LIMA1: variants seen among roughly 807,000 people sequenced by gnomAD.
The protein encoded by LIMA1 is LIM domain and actin binding 1, also known as LIM domain and actin-binding protein 1.
In LIMA1, 52 loss-of-function variants were observed where a neutral mutation model predicts 62.6. The observed-to-expected ratio is 0.83, with a 90% CI of 0.67 to 1.05. LIMA1 has a LOEUF of 1.05. Ranked by LOEUF, LIMA1 falls within the 50% of genes least tolerant of loss-of-function variation. The pLI, the probability that LIMA1 is intolerant of heterozygous loss-of-function variation, is 0.00. For synonymous variants in LIMA1, 302 were observed against 317.8 expected, an observed-to-expected ratio of 0.95 and a Z score of 0.53; for missense variants, 780 against 902.2, an observed-to-expected ratio of 0.86 and a Z score of 1.74.
chr12:50,238,713 G>C (rs1283231860), intron 2 of LIMA1, among the ~76,000 whole-genome samples: 3 of 151,838 alleles, frequency 2.0e-5, no homozygotes, highest in African/African-American at 7.3e-5. Flanking sequence ...AGCTGGGTGT[G>C]GTGGTGGGTA....
intron 9 of LIMA1, among the ~76,000 whole-genome samples, chr12:50,183,810 CAA>C (rs34778877): frequency 3.5e-5 from 2 of 56,448 alleles, no homozygotes; most frequent in African/African-American, 7.1e-5. Flanking sequence ...GACTTGGTCT[CAA>C]AAAAAAAAAA....
intron 1 of LIMA1, among the ~76,000 whole-genome samples, chr12:50,253,714 T>A (rs1407798213): frequency 6.6e-6 from 1 of 152,288 alleles, no homozygotes; most frequent in East Asian, 1.9e-4. Flanking sequence ...TAACTGGCTT[T>A]CATTGGCCTG....
intron 2 of LIMA1, among the ~76,000 whole-genome samples, chr12:50,235,029 C>T (rs1941670279): frequency 6.6e-6 from 1 of 152,004 alleles, no homozygotes; most frequent in African/African-American, 2.4e-5. Context: ...ACCTCCAGGA[C>T]TCAAGCAATT....
chr12:50,251,990 TATGAGATGTA>T (rs957046766), intron 1 of LIMA1, among the ~76,000 whole-genome samples: 9 of 152,304 alleles, frequency 5.9e-5, no homozygotes, highest in African/African-American at 2.2e-4. Context: ...AACTACTTCT[TATGAGATGTA>T]GGGAGATGTC....
intron 10 of LIMA1, among the ~76,000 whole-genome samples, chr12:50,180,388 T>C (rs1389982869): frequency 1.3e-5 from 2 of 151,566 alleles, no homozygotes; most frequent in Non-Finnish European, 2.9e-5. Flanking sequence ...GGCATGAGAA[T>C]CGCTTGAACC....
intron 2 of LIMA1, among the ~76,000 whole-genome samples, chr12:50,248,206 A>C (rs1941877348): frequency 6.6e-6 from 1 of 152,250 alleles, no homozygotes; most frequent in African/African-American, 2.4e-5. Flanking sequence ...GTGCAGGTAT[A>C]GAGAGTGCTT....
chr12:50,269,667 C>A (rs768552069), intron 1 of LIMA1, among the ~76,000 whole-genome samples: 69 of 152,226 alleles, frequency 4.5e-4, no homozygotes, highest in Middle Eastern at 3.4e-3. Flanking sequence ...TGCCTGTAAT[C>A]TCAGCACTTT....
intron 4 of LIMA1, among the ~76,000 whole-genome samples, chr12:50,213,453 A>G (rs964452091): frequency 2.0e-5 from 3 of 152,286 alleles, no homozygotes; most frequent in Non-Finnish European, 2.9e-5. Flanking sequence ...GGGCATATCA[A>G]TTAACTTCTC....
chr12:50,214,024 C>CCCCACACA (rs1555206567), intron 4 of LIMA1, among the ~76,000 whole-genome samples: 4 of 104,492 alleles, frequency 3.8e-5, no homozygotes, highest in African/African-American at 1.3e-4. Flanking sequence ...TATTATCTTA[C>CCCCACACA]CACACACACA....
chr12:50,260,037 T>A (rs138896042), intron 1 of LIMA1, among the ~76,000 whole-genome samples: 6 of 152,266 alleles, frequency 3.9e-5, no homozygotes, highest in African/African-American at 1.2e-4. Flanking sequence ...TCTCTCTCCC[T>A]TCTCTGAGCG....
intron 1 of LIMA1, among the ~76,000 whole-genome samples, chr12:50,272,769 C>T (rs1002976748): frequency 2.0e-5 from 3 of 151,668 alleles, no homozygotes; most frequent in Non-Finnish European, 4.4e-5. Context: ...GTTATAGGGC[C>T]GGGCGTGGTG....
intron 2 of LIMA1, among the ~76,000 whole-genome samples, chr12:50,243,794 A>G (rs1941810047): frequency 6.6e-6 from 1 of 152,200 alleles, no homozygotes; most frequent in Admixed American, 6.5e-5. Flanking sequence ...ACAGGAACAA[A>G]CTCAAATATT....
At chr12:50,237,998 A>G (rs2138608270) in intron 2 of LIMA1, among the ~76,000 whole-genome samples, 1 of 152,332 alleles carries the variant, frequency 6.6e-6, no homozygotes, top group South Asian at 2.1e-4. Flanking sequence ...ATATGGGAAA[A>G]GTCTCATGAC....
intron 5 of LIMA1, among the ~76,000 whole-genome samples, chr12:50,204,983 C>A (rs1043415809): frequency 6.6e-6 from 1 of 151,944 alleles, no homozygotes; most frequent in African/African-American, 2.4e-5. Flanking sequence ...GTTAAAAGCA[C>A]GAAGAAGAAA....
chr12:50,239,534 G>A (rs552121528), intron 2 of LIMA1, among the ~76,000 whole-genome samples: 2 of 152,252 alleles, frequency 1.3e-5, no homozygotes, highest in South Asian at 4.1e-4. Flanking sequence ...TCAGCTACTC[G>A]GAGACTGAGG....
intron 2 of LIMA1, among the ~76,000 whole-genome samples, chr12:50,236,754 A>G (rs1202751917): frequency 1.3e-5 from 2 of 151,588 alleles, no homozygotes; most frequent in East Asian, 3.9e-4. Flanking sequence ...ACACACACAC[A>G]CGCACACGCA....
chr12:50,215,636 A>AT (rs930453566), intron 4 of LIMA1, among the ~76,000 whole-genome samples: 54 of 148,282 alleles, frequency 3.6e-4, no homozygotes, highest in East Asian at 1.6e-3. Flanking sequence ...CGCCCGGCTA[A>AT]TTTTTTTTTT....
chr12:50,210,428 A>AAAAAG (rs1555206226), intron 4 of LIMA1, among the ~76,000 whole-genome samples: 34 of 150,740 alleles, frequency 2.3e-4, no homozygotes, highest in Non-Finnish European at 3.5e-4. Flanking sequence ...CAAAAAAAAA[A>AAAAAG]AAAAAAAGAA....
At chr12:50,181,109 A>C in intron 10 of LIMA1, among the ~76,000 whole-genome samples, 1 of 117,364 alleles carries the variant, frequency 8.5e-6, no homozygotes, top group African/African-American at 3.7e-5. Flanking sequence ...GAGACTCTGT[A>C]TCCAAAAAAA....
Sources: allele counts gnomAD v4.1 joint callset (sites outside exome capture counted in the v4.1 genomes callset), GRCh38; gene constraint gnomAD v4.1.1; transcripts MANE v1.5; gene names NCBI Gene and HGNC (gene_info 2026-07-23, HGNC 2026-07-21).